Variants in URB2 observed in about 807,000 individuals in gnomAD.
The protein encoded by URB2 is URB2 ribosome biogenesis homolog.
Under a neutral mutation model 120.9 loss-of-function variants are expected in URB2, and 86 were observed. The observed-to-expected ratio is 0.71, with a 90% confidence interval of 0.60 to 0.85. The LOEUF (loss-of-function observed/expected upper bound fraction) is 0.85. URB2 is among the 40% of genes least tolerant of loss of function. The probability of loss-of-function intolerance (pLI) is 0.00; values close to 1 mark genes in which losing one functional copy is unlikely to be tolerated. For synonymous variants in URB2, 755 were observed against 758.4 expected, an observed-to-expected ratio of 1.00 and a Z score of 0.07; for missense variants, 1,765 against 1,836.5, an observed-to-expected ratio of 0.96 and a Z score of 0.71.
At chr1:229,634,364 C>T (rs977571907) in intron 3 of URB2, among the ~76,000 whole-genome samples, 2 of 152,000 alleles carry the variant, frequency 1.3e-5, no homozygotes, top group Admixed American at 6.6e-5. Context: ...TGCCACCATG[C>T]CCGGTTAATT....
At chr1:229,632,153 C>T in intron 2 of URB2, 116 bp from the exon 3 acceptor site, 1 of 777,750 alleles carries the variant, frequency 1.3e-6, no homozygotes. Flanking sequence ...GAGAGGTTCT[C>T]CCCCGCCGCC....
chr1:229,634,368 G>C (rs1168625674), intron 3 of URB2, among the ~76,000 whole-genome samples: 2 of 151,850 alleles, frequency 1.3e-5, no homozygotes, highest in Admixed American at 1.3e-4. Context: ...ACCATGCCCG[G>C]TTAATTTTTT....
At chr1:229,631,640 A>C (rs1481637629) in intron 2 of URB2, among the ~76,000 whole-genome samples, 1 of 152,212 alleles carries the variant, frequency 6.6e-6, no homozygotes, top group Non-Finnish European at 1.5e-5. Flanking sequence ...AGAGAGGGGA[A>C]AATAGCCCGT....
At chr1:229,633,295 G>A (rs1665716917) in intron 3 of URB2, among the ~76,000 whole-genome samples, 1 of 152,210 alleles carries the variant, frequency 6.6e-6, no homozygotes, top group South Asian at 2.1e-4. Flanking sequence ...TAAACCAGTG[G>A]TCACCAAAGT....
chr1:229,652,224 G>T (rs1666296592), intron 8 of URB2, among the ~76,000 whole-genome samples: 1 of 151,968 alleles, frequency 6.6e-6, no homozygotes, highest in African/African-American at 2.4e-5. Flanking sequence ...CATGAATTTC[G>T]ATTTTATTTT....
intron 4 of URB2, 54 bp downstream of exon 4, chr1:229,638,301 G>T (rs972682031): frequency 2.0e-6 from 3 of 1,510,326 alleles, no homozygotes; most frequent in Non-Finnish European, 2.7e-6. Context: ...GGTTTCCACT[G>T]CTCCCCTTTT....
rs1666474103 is a variant in URB2 at position 229,659,474 on chromosome 1, T to A, written c.*177T>A. The A allele has an allele frequency of 1.7e-6, 1 of 590,368 alleles. No individual in the cohort carries two copies. The highest frequency in any genetic ancestry group is 1.8e-5 in the African/African-American group (1 of 54,142). The allele number at this position is 590,368 out of a possible 1,614,324, so 36.6% of individuals were successfully genotyped here. On this transcript the variant is annotated 3_prime_UTR_variant, in exon 10 of 10. Transcript: ENST00000258243. ...GTATTTTACATCGTGTTTTTCTTAC[T>A]ATTTTTTAATACATAGTTTTATGCA...
At position 229,639,683 on chromosome 1, in the gene URB2, A is replaced by C. The variant is rs1665954350; in HGVS notation, c.3634+1436A>C. ...CCTCTTACAGTTCCTTGAGGACAGG[A>C]CTGTGCCTTCCTTAGTTCACCCCTG... On this transcript the variant is annotated intron_variant, in intron 4 of 9. Coordinates refer to ENST00000258243, the MANE Select transcript of URB2 (RefSeq NM_014777.4). Among the ~76,000 whole-genome samples the C allele has an allele frequency of 5.9e-5, 9 of 152,280 alleles. No individual in the cohort carries two copies. The South Asian group carries it at 1.7e-3, about 28-fold the overall frequency.
chr1:229,655,739 T>A (rs1666392263), intron 9 of URB2, among the ~76,000 whole-genome samples: 1 of 152,212 alleles, frequency 6.6e-6, no homozygotes, highest in Non-Finnish European at 1.5e-5. Context: ...ACATTTATAT[T>A]GTGTTCAATC....
chr1:229,651,045 T>A, intron 7 of URB2, 190 bp from the exon 8 acceptor site: 1 of 403,034 alleles, frequency 2.5e-6, no homozygotes, highest in Non-Finnish European at 4.5e-6. Flanking sequence ...TCAAAGAGTC[T>A]AATACAAGAT....
chr1:229,628,568 A>G (rs1665589128), intron 2 of URB2, among the ~76,000 whole-genome samples: 1 of 152,226 alleles, frequency 6.6e-6, no homozygotes, highest in South Asian at 2.1e-4. Flanking sequence ...GCATTTGCTT[A>G]TAAATCCAAA....
chr1:229,647,834 C>G, intron 7 of URB2, 82 bp downstream of exon 7: 1 of 1,528,316 alleles, frequency 6.5e-7, no homozygotes. Flanking sequence ...GGCAGCAAAA[C>G]TTTACTGTTG....
rs1439655196 is a variant in URB2, at chr1:229,637,383, A to G, written c.2770A>G (p.Met924Val). Reference sequence around the variant, plus strand: ...GCATTATTTTCTTGTGTTACTGTCCATGGCCGTCACCAAACTAGGATGCTC... The same window carrying G: ...GCATTATTTTCTTGTGTTACTGTCCGTGGCCGTCACCAAACTAGGATGCTC... ...HVHYFLVLLSMAVTKLGCSCS... is the reference protein window; with the variant it reads ...HVHYFLVLLSVAVTKLGCSCS... Residue 924 changes from methionine to valine, a missense_variant, in exon 4 of 10, where the codon ATG becomes GTG. By Grantham distance (21) the Met-to-Val change is conservative. Transcript: ENST00000258243. The G allele has an allele frequency of 1.2e-6, 2 of 1,614,074 alleles. No individual in the cohort carries two copies. Among genetic ancestry groups the G allele is most frequent in the East Asian group, 2.2e-5 (1 of 44,900 alleles).
Position 229,636,241 on chromosome 1 carries a change from G to T in URB2, c.1628G>T (p.Ser543Ile), listed in dbSNP as rs751915154. The change falls in exon 4 of 10, where the codon AGC (serine) becomes ATC (isoleucine). Residue 543 changes from serine (S) to isoleucine (I), a missense_variant. Transcript: ENST00000258243. ...ADMALKSLSL[S>I]LLLHCIMFNM... ...ATGGCCCTGAAATCACTGTCACTGAGCTTGCTGCTGCACTGCATCATGTTC... is the reference window on the plus strand; with the variant it reads ...ATGGCCCTGAAATCACTGTCACTGATCTTGCTGCTGCACTGCATCATGTTC... The T allele has an allele frequency of 1.9e-6, 3 of 1,613,514 alleles. No homozygotes were observed. In the East Asian group the frequency reaches 6.7e-5, roughly 36 times the overall value.
Position 229,636,472 on chromosome 1 carries a change from TCAGTTTGAACTGTAGC to T in URB2, c.1864_1879del (p.Leu622IlefsTer9). On this transcript the variant is annotated frameshift_variant, in exon 4 of 10. Coordinates refer to ENST00000258243, the MANE Select transcript of URB2 (RefSeq NM_014777.4). LOFTEE classifies it high-confidence loss of function. Reference sequence around the variant, plus strand: ...ACTTGGGCCCAGGTGGACGCTATGTTCAGTTTGAACTGTAGCCAGTATCACTCTATGTCTGGGCCCC... The same window carrying T: ...ACTTGGGCCCAGGTGGACGCTATGTTCAGTATCACTCTATGTCTGGGCCCC... 6.2e-7 allele frequency: 1 copy of T among 1,614,208 alleles called. No individual in the cohort carries two copies. Among genetic ancestry groups the T allele is most frequent in the African/African-American group, 1.3e-5 (1 of 75,054 alleles).
chr1:229,634,064 T>G (rs1665732930), intron 3 of URB2, among the ~76,000 whole-genome samples: 1 of 152,156 alleles, frequency 6.6e-6, no homozygotes, highest in African/African-American at 2.4e-5. Flanking sequence ...ACGCCTGGCC[T>G]CAAGTGATCC....
chr1:229,654,842 C>A (rs563872241), intron 9 of URB2, among the ~76,000 whole-genome samples: 7 of 152,322 alleles, frequency 4.6e-5, no homozygotes, highest in Admixed American at 6.5e-5. Context: ...ACAGAGGGCT[C>A]AGTGGTGCCT....
In URB2 at chr1:229,637,673, G is replaced by A. The variant is rs1383747690; in HGVS notation, c.3060G>A (p.Val1020=). 5.0e-6 allele frequency: 8 copies of A among 1,614,220 alleles called. No homozygotes were observed. The South Asian group carries it at 6.6e-5, about 13-fold the overall frequency. ...QMLIQMKLSL[V]LNFRKITAFL... is the part of the protein sequence containing the mutation. ...TCATCCAAATGAAGCTGAGCTTGGT[G>A]CTCAATTTTAGAAAAATCACCGCAT... The change falls in exon 4 of 10, where the codon GTG becomes GTA. Residue 1020 remains valine (V), a synonymous_variant. Coordinates refer to ENST00000258243, the MANE Select transcript of URB2 (RefSeq NM_014777.4).
rs1015280416 is a variant in URB2 at position 229,636,763 on chromosome 1, A to G, written c.2150A>G (p.Gln717Arg). The G allele has an allele frequency of 5.0e-6, 8 of 1,612,148 alleles. No individual in the cohort carries two copies. The East Asian group carries it at 1.1e-4, about 22-fold the overall frequency. The change falls in exon 4 of 10, where the codon CAG (glutamine) becomes CGG (arginine). Residue 717 changes from glutamine to arginine, a missense_variant. Coordinates refer to ENST00000258243, the MANE Select transcript of URB2 (RefSeq NM_014777.4). ...GGTTCCGGCAGAAAAAGCTTGAATC[A>G]GAGAACGACGGCTTCCTGGGATGGC... ...IIGSGRKSLN[Q>R]RTTASWDGQV...
Sources: allele counts gnomAD v4.1 joint callset (sites outside exome capture counted in the v4.1 genomes callset), GRCh38; gene constraint gnomAD v4.1.1; transcripts MANE v1.5; gene names NCBI Gene and HGNC (gene_info 2026-07-23, HGNC 2026-07-21).